The following PDS5B variants were observed in gnomAD, a reference collection of about 807,000 sequenced individuals.
PDS5B encodes PDS5 cohesin associated factor B.
A neutral mutation model predicts 184.1 loss-of-function variants in PDS5B; 51 were observed. The observed-to-expected ratio is 0.28, with a 90% confidence interval of 0.22 to 0.35. The LOEUF is 0.35. Ranked by LOEUF, PDS5B falls within the 10% of genes least tolerant of loss-of-function variation. The pLI is 1.00. For synonymous variants in PDS5B, 566 were observed against 569.2 expected, an observed-to-expected ratio of 0.99 and a Z score of 0.08; for missense variants, 1,180 against 1,723.3, an observed-to-expected ratio of 0.68 and a Z score of 5.58.
chr13:32,759,525 T>A, intron 28 of PDS5B, 103 bp from the exon 29 acceptor site: 1 of 512,012 alleles, frequency 2.0e-6, no homozygotes, highest in East Asian at 3.2e-5. Flanking sequence ...CATATGATAA[T>A]TTAGTTTAAA....
Position 32,697,644 on chromosome 13 carries a change from A to G in PDS5B, c.1600+742A>G, listed in dbSNP as rs539067539. 9.8e-4 allele frequency among the ~76,000 whole-genome samples: 150 copies of G among 152,306 alleles called. 1 individual carries two copies. Among genetic ancestry groups the G allele is most frequent in the African/African-American group, 3.4e-3 (140 of 41,562 alleles). ...CCAAAATGTTCTTCTGTCCTGGGAA[A>G]ACTACTTTCCAGTCCCCTGGGTAAC... is the stretch of plus-strand genomic sequence containing the variant. On this transcript the variant is annotated intron_variant, in intron 15 of 34. Transcript: ENST00000315596.
chr13:32,721,544 G>A (rs1952700987), intron 19 of PDS5B, among the ~76,000 whole-genome samples: 1 of 147,806 alleles, frequency 6.8e-6, no homozygotes. Flanking sequence ...GCCGGGCAGA[G>A]GTGCTCCTCA....
chr13:32,644,642 G>A (rs918251528), intron 1 of PDS5B, among the ~76,000 whole-genome samples: 1 of 152,018 alleles, frequency 6.6e-6, no homozygotes, highest in Non-Finnish European at 1.5e-5. Flanking sequence ...AGCTTTTAAT[G>A]GATTGTCAGT....
intron 29 of PDS5B, 41 bp from the exon 30 acceptor site, chr13:32,760,534 G>A (rs1261298008): frequency 4.4e-6 from 7 of 1,597,524 alleles, no homozygotes; most frequent in East Asian, 2.2e-5. Context: ...CTTTCTTTTG[G>A]CTTTAACCAA....
At chr13:32,707,499 A>G (rs933155057) in intron 18 of PDS5B, among the ~76,000 whole-genome samples, 3 of 151,566 alleles carry the variant, frequency 2.0e-5, no homozygotes, top group Non-Finnish European at 2.9e-5. Context: ...ATCTTCAACA[A>G]ATGCATAGTT....
intron 23 of PDS5B, among the ~76,000 whole-genome samples, chr13:32,743,546 G>C (rs915476453): frequency 1.3e-5 from 2 of 152,052 alleles, no homozygotes; most frequent in Non-Finnish European, 2.9e-5. Context: ...CAAAATAGGA[G>C]AATAGCTCTG....
chr13:32,737,485 G>A (rs868735958), intron 21 of PDS5B, among the ~76,000 whole-genome samples: 4 of 152,078 alleles, frequency 2.6e-5, no homozygotes, highest in Admixed American at 2.0e-4. Context: ...TTAATCGTCT[G>A]TGTGAAAAAA....
intron 21 of PDS5B, among the ~76,000 whole-genome samples, chr13:32,735,856 A>G (rs566693523): frequency 6.6e-6 from 1 of 152,276 alleles, no homozygotes; most frequent in South Asian, 2.1e-4. Context: ...TTTTCCTCCA[A>G]AAAGTAAACA....
intron 15 of PDS5B, among the ~76,000 whole-genome samples, chr13:32,698,379 C>T (rs1013915888): frequency 3.9e-5 from 6 of 152,146 alleles, no homozygotes; most frequent in Non-Finnish European, 5.9e-5. Flanking sequence ...CACTGAACTA[C>T]TAGTGGTCTT....
At chr13:32,597,600 G>A (rs899522068) in intron 1 of PDS5B, among the ~76,000 whole-genome samples, 17 of 150,264 alleles carry the variant, frequency 1.1e-4, no homozygotes, top group South Asian at 4.2e-4. Context: ...CTGAGGCCGA[G>A]GGGGGGGCGG....
chr13:32,764,417 C>A, intron 30 of PDS5B, 72 bp from the exon 31 acceptor site: 2 of 872,822 alleles, frequency 2.3e-6, no homozygotes, highest in South Asian at 2.9e-5. Context: ...ATCTGTAAAG[C>A]TACACTAGGA....
At chr13:32,770,807 C>A in intron 33 of PDS5B, 46 bp downstream of exon 33, 2 of 1,402,624 alleles carry the variant, frequency 1.4e-6, no homozygotes, top group Non-Finnish European at 2.0e-6. Flanking sequence ...AATTATTTTG[C>A]AAAAGTTCCT....
intron 24 of PDS5B, among the ~76,000 whole-genome samples, chr13:32,751,161 G>T (rs1009916664): frequency 1.3e-5 from 2 of 152,112 alleles, no homozygotes; most frequent in Admixed American, 6.5e-5. Flanking sequence ...TTCACTAAAG[G>T]TAATGGCCTC....
At chr13:32,719,794 T>C in intron 19 of PDS5B, among the ~76,000 whole-genome samples, 1 of 138,928 alleles carries the variant, frequency 7.2e-6, no homozygotes, top group African/African-American at 2.6e-5. Context: ...CCCCCCCCCT[T>C]TTTTTTTTGT....
At chr13:32,593,314 T>A (rs1195505261) in intron 1 of PDS5B, among the ~76,000 whole-genome samples, 1 of 152,182 alleles carries the variant, frequency 6.6e-6, no homozygotes, top group Non-Finnish European at 1.5e-5. Flanking sequence ...AACTTTTATT[T>A]CTCTGAACTT....
chr13:32,676,518 T>C (rs1951066997), intron 9 of PDS5B, among the ~76,000 whole-genome samples: 2 of 152,204 alleles, frequency 1.3e-5, no homozygotes, highest in Non-Finnish European at 2.9e-5. Flanking sequence ...TATTCATCCC[T>C]GACCTTGAAA....
rs1051173224 is a variant in PDS5B at position 32,707,255 on chromosome 13, A to G, written c.1962+216A>G. Among the ~76,000 whole-genome samples the G allele has an allele frequency of 6.6e-5, 10 of 152,290 alleles. No individual in the cohort carries two copies. In the South Asian group the frequency reaches 1.0e-3, roughly 16 times the overall value. On this transcript the variant is annotated intron_variant, in intron 18 of 34. Transcript: ENST00000315596. ...TGTAATCTAGCCTAGTACTAATTATATTAAAATAGTGGAGTATAATTCAGG... is the reference window on the plus strand; with the variant it reads ...TGTAATCTAGCCTAGTACTAATTATGTTAAAATAGTGGAGTATAATTCAGG...
At chr13:32,679,682 A>C (rs1218931188) in intron 10 of PDS5B, among the ~76,000 whole-genome samples, 4 of 152,096 alleles carry the variant, frequency 2.6e-5, no homozygotes, top group Non-Finnish European at 5.9e-5. Flanking sequence ...AAAACAGCAG[A>C]TATTTTACCA....
chr13:32,705,961 C>T (rs925676064), intron 17 of PDS5B, among the ~76,000 whole-genome samples: 1 of 152,056 alleles, frequency 6.6e-6, no homozygotes, highest in African/African-American at 2.4e-5. Flanking sequence ...GCCACTGTGC[C>T]TGGGTACAGA....
Sources: allele counts gnomAD v4.1 joint callset (sites outside exome capture counted in the v4.1 genomes callset), GRCh38; gene constraint gnomAD v4.1.1; transcripts MANE v1.5; gene names NCBI Gene and HGNC (gene_info 2026-07-23, HGNC 2026-07-21).